The following DTNA variants were observed in gnomAD, a reference collection of about 807,000 sequenced individuals.
The protein encoded by DTNA is dystrophin-related protein 3.
In DTNA, 43 loss-of-function variants were observed where a neutral mutation model predicts 100.7. The observed-to-expected ratio is 0.43, with a 90% CI of 0.33 to 0.55. The LOEUF (loss-of-function observed/expected upper bound fraction) is 0.55. Among genes scored for constraint, DTNA ranks in the 20% least tolerant of loss-of-function variants. The pLI, the probability that DTNA is intolerant of heterozygous loss-of-function variation, is 0.04. For missense variants in DTNA, 798 were observed against 953.9 expected (o/e 0.84, Z 2.15); for synonymous variants, 349 against 347.9 (o/e 1.00, Z -0.04).
intron 16 of DTNA, among the ~76,000 whole-genome samples, chr18:34,859,845 C>T (rs1023207829): frequency 2.6e-5 from 4 of 152,170 alleles, no homozygotes; most frequent in East Asian, 1.9e-4. Context: ...ACTACTCCCA[C>T]GCTGCAAAAT....
intron 1 of DTNA, among the ~76,000 whole-genome samples, chr18:34,620,339 A>C (rs1054051802): frequency 1.3e-5 from 2 of 152,230 alleles, no homozygotes; most frequent in African/African-American, 2.4e-5. Flanking sequence ...AAGTTTGAAG[A>C]TATTTGAATG....
chr18:34,777,229 A>G (rs2094105547), intron 3 of DTNA, among the ~76,000 whole-genome samples: 1 of 152,246 alleles, frequency 6.6e-6, no homozygotes, highest in Non-Finnish European at 1.5e-5. Context: ...GTGTACTGAC[A>G]TATCCCCCAT....
chr18:34,631,391 A>G (rs2058061306), intron 1 of DTNA, among the ~76,000 whole-genome samples: 1 of 152,216 alleles, frequency 6.6e-6, no homozygotes, highest in Admixed American at 6.5e-5. Context: ...TTAATTTCAC[A>G]ATAACTCAAT....
At chr18:34,552,609 A>T (rs1273492620) in intron 1 of DTNA, among the ~76,000 whole-genome samples, 4 of 144,698 alleles carry the variant, frequency 2.8e-5, no homozygotes, top group Non-Finnish European at 6.0e-5. Context: ...ATTCCCACCT[A>T]TGGTGAGAAT....
intron 1 of DTNA, among the ~76,000 whole-genome samples, chr18:34,648,439 C>G (rs567986665): frequency 6.6e-6 from 1 of 152,152 alleles, no homozygotes; most frequent in South Asian, 2.1e-4. Context: ...AATAGGATAC[C>G]TAAATCAGTG....
Position 34,565,403 on chromosome 18 carries a change from A to C in DTNA, c.-2+71889A>C, listed in dbSNP as rs577796053. ...AAACTGGGCCCTTGGGCAGGGGGAA[A>C]TTTAGAAAGGGTACTGTATTGGCTT... On this transcript the variant is annotated intron_variant, in intron 1 of 19. Coordinates refer to the DTNA transcript ENST00000283365. Among the ~76,000 whole-genome samples the C allele has an allele frequency of 1.1e-4, 17 of 152,306 alleles. No individual in the cohort carries two copies. In the South Asian group the frequency reaches 3.5e-3, roughly 32 times the overall value.
intron 1 of DTNA, among the ~76,000 whole-genome samples, chr18:34,527,616 A>G (rs1343097630): frequency 6.6e-6 from 1 of 152,086 alleles, no homozygotes; most frequent in Non-Finnish European, 1.5e-5. Flanking sequence ...TAATGTTTTC[A>G]GTTTTGTTAC....
At chr18:34,654,600 A>G (rs1315406491) in intron 1 of DTNA, among the ~76,000 whole-genome samples, 4 of 152,226 alleles carry the variant, frequency 2.6e-5, no homozygotes, top group Non-Finnish European at 5.9e-5. Flanking sequence ...TTCTAAAAAC[A>G]TACCTCATAT....
At chr18:34,877,279 C>T (rs1338727444) in intron 18 of DTNA, among the ~76,000 whole-genome samples, 4 of 152,134 alleles carry the variant, frequency 2.6e-5, no homozygotes, top group Non-Finnish European at 5.9e-5. Flanking sequence ...AAGGGCTCAG[C>T]CACCAGGTAA....
rs984784834 is a variant in DTNA, at chr18:34,755,980, A to G, written c.4A>G (p.Ile2Val). 1.2e-6 allele frequency: 2 copies of G among 1,613,140 alleles called. No homozygotes were observed. The highest frequency in any genetic ancestry group is 1.7e-6 in the Non-Finnish European group (2 of 1,179,398). The change falls in exon 2 of 23, where the codon ATT (isoleucine) becomes GTT (valine). Residue 2 changes from isoleucine (I) to valine (V), a missense_variant. Physicochemically the swap from Ile to Val is conservative, Grantham distance 29. Around this residue, in one of 6 missense-constraint regions of DTNA, gnomAD observed 197 missense variants for 215.4 expected, o/e 0.91. Coordinates refer to ENST00000444659, the MANE Select transcript of DTNA (RefSeq NM_001386795.1). ...TGTAACTATTTTGTCTCATAGAATG[A>G]TTGAAGATAGTGGGAAAAGAGGAAA... Reference protein sequence around the residue: MIEDSGKRGNTM... With the variant: MVEDSGKRGNTM...
At chr18:34,552,668 A>G (rs1411837092) in intron 1 of DTNA, among the ~76,000 whole-genome samples, 1 of 151,204 alleles carries the variant, frequency 6.6e-6, no homozygotes, top group Non-Finnish European at 1.5e-5. Context: ...GAGAATGATG[A>G]TTTCCAATTT....
chr18:34,579,296 G>A (rs768558510), intron 1 of DTNA, among the ~76,000 whole-genome samples: 69 of 152,152 alleles, frequency 4.5e-4, no homozygotes, highest in Non-Finnish European at 7.4e-4. Flanking sequence ...TGAATAGATA[G>A]GTAGGTAGAT....
At chr18:34,789,131 G>A (rs1032931069) in intron 3 of DTNA, among the ~76,000 whole-genome samples, 2 of 152,066 alleles carry the variant, frequency 1.3e-5, no homozygotes, top group Non-Finnish European at 2.9e-5. Flanking sequence ...AATCTCTGTG[G>A]CTGCAAAATC....
chr18:34,702,253 C>G (rs1470617091), intron 1 of DTNA, among the ~76,000 whole-genome samples: 2 of 152,068 alleles, frequency 1.3e-5, no homozygotes, highest in Non-Finnish European at 2.9e-5. Context: ...TCAGAGATAC[C>G]ACCAAATCAC....
chr18:34,876,996 G>A (rs112956745), intron 18 of DTNA, among the ~76,000 whole-genome samples: 162 of 151,652 alleles, frequency 1.1e-3, no homozygotes, highest in Non-Finnish European at 1.4e-3. Context: ...GAAAAATGAC[G>A]GAATGAAATT....
chr18:34,851,917 A>C lies in DTNA; in HGVS notation c.1521A>C (p.Glu507Asp), dbSNP rs1326471049. 6.2e-7 allele frequency: 1 copy of C among 1,613,914 alleles called. No homozygotes were observed. Among genetic ancestry groups the C allele is most frequent in the South Asian group, 1.1e-5 (1 of 91,080 alleles). Residue 507 changes from glutamate to aspartate, a missense_variant, in exon 15 of 23, where the codon GAA becomes GAC. Glu to Asp is a conservative substitution (Grantham distance 45, BLOSUM62 2). Coordinates refer to ENST00000444659, the MANE Select transcript of DTNA (RefSeq NM_001386795.1). Reference protein sequence around the residue: ...KQQRQLIAELENKNREILQEI... With the variant: ...KQQRQLIAELDNKNREILQEI... ...AAAGGCAGCTGATTGCTGAGCTAGA[A>C]AACAAGAACAGGTGAGACTTTGTAG... is the stretch of plus-strand genomic sequence containing the variant.
chr18:34,612,702 A>G (rs1290193269), intron 1 of DTNA, among the ~76,000 whole-genome samples: 1 of 152,236 alleles, frequency 6.6e-6, no homozygotes, highest in Non-Finnish European at 1.5e-5. Flanking sequence ...CTCATCAGTA[A>G]ACATTATTAC....
intron 3 of DTNA, among the ~76,000 whole-genome samples, chr18:34,766,453 C>G (rs6507105): frequency 0.92 from 139,736 of 151,910 alleles, 65,387 homozygotes; most frequent in East Asian, 1. Context: ...ACCACATGTT[C>G]TCACTCATAG....
intron 1 of DTNA, among the ~76,000 whole-genome samples, chr18:34,525,676 G>A (rs17636088): frequency 0.18 from 27,605 of 152,036 alleles, 3,015 homozygotes; most frequent in Non-Finnish European, 0.26. Flanking sequence ...CTCCTCTGAC[G>A]CTGAGTGGTA....
Sources: gnomAD v4.1 joint callset for allele counts (sites outside exome capture counted in the v4.1 genomes callset) on GRCh38, gnomAD v4.1.1 for gene constraint, gnomAD v4.1.1 regional missense constraint, MANE v1.5 for transcripts, NCBI Gene and HGNC (gene_info 2026-07-23, HGNC 2026-07-21) for gene names.